IPO11: variants seen among roughly 807,000 people sequenced by gnomAD.
IPO11 encodes importin-11.
IPO11 carries 66 observed loss-of-function variants against 143.2 expected under a neutral mutation model. The observed-to-expected ratio is 0.46, with a 90% CI of 0.38 to 0.57. The LOEUF is 0.57. IPO11 is among the 20% of genes least tolerant of loss of function. The pLI, the probability that IPO11 is intolerant of heterozygous loss-of-function variation, is 0.00. For synonymous variants in IPO11, 385 were observed against 377.8 expected (o/e 1.02, Z -0.22); for missense variants, 1,026 against 1,141.0 (o/e 0.90, Z 1.45).
intron 26 of IPO11, among the ~76,000 whole-genome samples, chr5:62,552,215 A>C (rs909701297): frequency 6.6e-6 from 1 of 152,194 alleles, no homozygotes; most frequent in Non-Finnish European, 1.5e-5. Context: ...AAGATGTTGA[A>C]GATATGGTAT....
At chr5:62,427,210 GATT>G (rs1490873839) in intron 1 of IPO11, among the ~76,000 whole-genome samples, 1 of 151,898 alleles carries the variant, frequency 6.6e-6, no homozygotes, top group East Asian at 1.9e-4. Flanking sequence ...AAAGTGCTGG[GATT>G]ACACACGTGA....
At chr5:62,577,989 A>G (rs1299938776) in intron 27 of IPO11, among the ~76,000 whole-genome samples, 1 of 152,138 alleles carries the variant, frequency 6.6e-6, no homozygotes, top group Non-Finnish European at 1.5e-5. Flanking sequence ...TAAACAATTT[A>G]TATCCGATTC....
At chr5:62,588,263 G>C (rs571563141) in intron 27 of IPO11, among the ~76,000 whole-genome samples, 272 of 144,730 alleles carry the variant, frequency 1.9e-3, no homozygotes, top group African/African-American at 6.7e-3. Context: ...GTCTTGCTTT[G>C]TCACCCATGC....
chr5:62,437,939 T>G (rs1393831182), intron 2 of IPO11, among the ~76,000 whole-genome samples: 1 of 152,220 alleles, frequency 6.6e-6, no homozygotes, highest in Non-Finnish European at 1.5e-5. Context: ...TTTATTGGAG[T>G]TCAAAGTTTT....
At chr5:62,548,356 T>TG (rs1403226226) in intron 24 of IPO11, among the ~76,000 whole-genome samples, 3 of 152,206 alleles carry the variant, frequency 2.0e-5, no homozygotes, top group Admixed American at 6.5e-5. Flanking sequence ...TTCAGAGCCA[T>TG]GCTGACTCCC....
intron 1 of IPO11, among the ~76,000 whole-genome samples, chr5:62,434,900 C>T (rs1358673990): frequency 6.6e-6 from 1 of 151,272 alleles, no homozygotes; most frequent in African/African-American, 2.4e-5. Context: ...TGGCTCGCGC[C>T]TGTAGTCGCA....
At chr5:62,441,292 G>A (rs927465200) in intron 2 of IPO11, among the ~76,000 whole-genome samples, 1 of 151,448 alleles carries the variant, frequency 6.6e-6, no homozygotes, top group Non-Finnish European at 1.5e-5. Flanking sequence ...CTCCCCTCCC[G>A]GGTTCAAGTG....
chr5:62,558,311 A>T (rs1743646504), intron 26 of IPO11, among the ~76,000 whole-genome samples: 1 of 152,226 alleles, frequency 6.6e-6, no homozygotes. Flanking sequence ...TATCAATAAT[A>T]AGCTAGTTTA....
rs147526894 is a variant in IPO11, at chr5:62,613,986, C to G, written c.2763+12138C>G. 7.2e-5 allele frequency among the ~76,000 whole-genome samples: 11 copies of G among 152,286 alleles called. No individual in the cohort carries two copies. The South Asian group carries it at 8.3e-4, about 11-fold the overall frequency. On this transcript the variant is annotated intron_variant, in intron 29 of 29. Transcript: ENST00000325324. ...CACTTTAATTAATTTTTGCATGAAC[C>G]CTTGCAAGGTGAAATTACCTATGAC...
intron 3 of IPO11, among the ~76,000 whole-genome samples, chr5:62,448,648 T>G (rs961239505): frequency 1.3e-5 from 2 of 152,174 alleles, no homozygotes; most frequent in Admixed American, 1.3e-4. Context: ...ACTGCTGGGC[T>G]CAAGAAATCC....
intron 15 of IPO11, 35 bp from the exon 16 acceptor site, chr5:62,493,963 T>G: frequency 2.5e-6 from 4 of 1,572,532 alleles, no homozygotes; most frequent in Non-Finnish European, 3.5e-6. Context: ...CTTAAAATAT[T>G]TAACATTTTA....
At chr5:62,604,274 T>A (rs1745617162) in intron 29 of IPO11, among the ~76,000 whole-genome samples, 1 of 152,196 alleles carries the variant, frequency 6.6e-6, no homozygotes, top group African/African-American at 2.4e-5. Context: ...AGTGGTATGA[T>A]CTCGGCTCTC....
chr5:62,579,822 T>G, intron 27 of IPO11: 1 of 1,547,166 alleles, frequency 6.5e-7, no homozygotes. Context: ...CTGGAATATT[T>G]AAGGGACTTT....
intron 9 of IPO11, among the ~76,000 whole-genome samples, chr5:62,479,623 C>A (rs955309728): frequency 6.6e-6 from 1 of 152,088 alleles, no homozygotes; most frequent in Non-Finnish European, 1.5e-5. Flanking sequence ...TTTTAATGGT[C>A]GCCATTCTAA....
chr5:62,584,743 TG>T (rs1254782685), intron 27 of IPO11, among the ~76,000 whole-genome samples: 5 of 149,502 alleles, frequency 3.3e-5, no homozygotes, highest in African/African-American at 1.2e-4. Context: ...TTTTGTTTTT[TG>T]TTTTTGTTTT....
intron 28 of IPO11, among the ~76,000 whole-genome samples, chr5:62,599,831 G>A (rs1257714041): frequency 1.3e-5 from 2 of 152,114 alleles, no homozygotes; most frequent in South Asian, 2.1e-4. Flanking sequence ...TAATTCTTAC[G>A]TATCTTTTAT....
At chr5:62,441,219 C>T (rs1744463406) in intron 2 of IPO11, among the ~76,000 whole-genome samples, 1 of 152,036 alleles carries the variant, frequency 6.6e-6, no homozygotes, top group Non-Finnish European at 1.5e-5. Flanking sequence ...TTTTTTGAGA[C>T]AGAGTTTCAC....
chr5:62,497,582 C>T (rs530589228), intron 16 of IPO11, among the ~76,000 whole-genome samples: 1 of 152,284 alleles, frequency 6.6e-6, no homozygotes, highest in East Asian at 1.9e-4. Flanking sequence ...AATTGTCCCA[C>T]ATCAGCCTCT....
intron 25 of IPO11, among the ~76,000 whole-genome samples, chr5:62,550,914 G>A (rs6885249): frequency 3.2e-4 from 47 of 149,156 alleles, no homozygotes; most frequent in South Asian, 6.4e-4. Context: ...CCGAGATTGC[G>A]CCGCTGCACT....
Sources: gnomAD v4.1 joint callset for allele counts (sites outside exome capture counted in the v4.1 genomes callset) on GRCh38, gnomAD v4.1.1 for gene constraint, MANE v1.5 for transcripts, NCBI Gene and HGNC (gene_info 2026-07-23, HGNC 2026-07-21) for gene names.